Variants in WWTR1 observed in about 807,000 individuals in gnomAD.
WWTR1 encodes the protein WW domain-containing transcription regulator protein 1.
In WWTR1, 13 loss-of-function variants were observed where a neutral mutation model predicts 40.1. The ratio of observed to expected loss-of-function variants is 0.32; its 90% CI spans 0.21 to 0.52. WWTR1 has a LOEUF of 0.52. Ranked by LOEUF, WWTR1 falls within the 20% of genes least tolerant of loss-of-function variation. The pLI is 0.97. For missense variants in WWTR1, 436 were observed against 523.1 expected (o/e 0.83, Z 1.63); for synonymous variants, 230 against 210.1 (o/e 1.09, Z -0.82).
chr3:149,572,363 G>A (rs1737677951), intron 3 of WWTR1, among the ~76,000 whole-genome samples: 1 of 152,178 alleles, frequency 6.6e-6, no homozygotes, highest in South Asian at 2.1e-4. Context: ...GCAGTCGCCA[G>A]GAGCCAAAGT....
chr3:149,647,512 C>T (rs959136712), intron 2 of WWTR1, among the ~76,000 whole-genome samples: 1 of 152,060 alleles, frequency 6.6e-6, no homozygotes, highest in Non-Finnish European at 1.5e-5. Flanking sequence ...GTACCGAAAA[C>T]CACAAGAGAG....
Position 149,610,584 on chromosome 3 carries a change from G to A in WWTR1, c.432-37584C>T, listed in dbSNP as rs528878412. On this transcript the variant is annotated intron_variant, in intron 2 of 6. Coordinates refer to ENST00000360632, the MANE Select transcript of WWTR1 (RefSeq NM_015472.6). ...GAGTTGTAAATAGTAGTTGCTCAAA[G>A]AAGTGGAAGGGTGGCTGAGGAAGAC... is the stretch of plus-strand genomic sequence containing the variant. 5.9e-5 allele frequency among the ~76,000 whole-genome samples: 9 copies of A among 152,330 alleles called. No individual in the cohort carries two copies. In the East Asian group the frequency reaches 1.5e-3, roughly 26 times the overall value.
intron 2 of WWTR1, among the ~76,000 whole-genome samples, chr3:149,573,375 G>A (rs62269320): frequency 6.6e-6 from 1 of 152,002 alleles, no homozygotes; most frequent in Non-Finnish European, 1.5e-5. Flanking sequence ...TGGAAGGGGA[G>A]CCATGCTCAC....
chr3:149,622,498 GAAGGAAGA>G (rs1467332968), intron 2 of WWTR1, among the ~76,000 whole-genome samples: 26 of 51,018 alleles, frequency 5.1e-4, no homozygotes, highest in African/African-American at 1.4e-3. Context: ...AGGAAGGAAG[GAAGGAAGA>G]AAGAAAGAAA....
chr3:149,594,684 CTGAT>C (rs1738893026), intron 2 of WWTR1, among the ~76,000 whole-genome samples: 2 of 151,894 alleles, frequency 1.3e-5, no homozygotes, highest in Admixed American at 6.6e-5. Context: ...ATATGTGAAT[CTGAT>C]TGGATCCTGC....
intron 6 of WWTR1, among the ~76,000 whole-genome samples, chr3:149,522,428 AGT>A (rs1465603869): frequency 6.6e-6 from 1 of 152,254 alleles, no homozygotes; most frequent in Non-Finnish European, 1.5e-5. Flanking sequence ...AACATTTTAC[AGT>A]ATTTTCATTG....
chr3:149,666,928 T>C (rs919857545), intron 2 of WWTR1, among the ~76,000 whole-genome samples: 1 of 152,220 alleles, frequency 6.6e-6, no homozygotes, highest in African/African-American at 2.4e-5. Flanking sequence ...TTTCCTCCAC[T>C]GACTTACAGT....
chr3:149,642,583 GGCT>G (rs966367347), intron 2 of WWTR1, among the ~76,000 whole-genome samples: 1 of 151,606 alleles, frequency 6.6e-6, no homozygotes, highest in Non-Finnish European at 1.5e-5. Flanking sequence ...AGACCATCCT[GGCT>G]AACATGGTGA....
At chr3:149,719,603 T>C (rs773683324) in intron 4 of WWTR1, among the ~76,000 whole-genome samples, 2 of 152,278 alleles carry the variant, frequency 1.3e-5, no homozygotes, top group African/African-American at 2.4e-5. Context: ...CATACAAATA[T>C]CTTTGATACT....
intron 2 of WWTR1, among the ~76,000 whole-genome samples, chr3:149,605,130 G>C (rs1182057599): frequency 2.0e-5 from 3 of 152,216 alleles, no homozygotes; most frequent in African/African-American, 7.2e-5. Flanking sequence ...AATATGGTTG[G>C]AGAGTGGAGA....
intron 4 of WWTR1, among the ~76,000 whole-genome samples, chr3:149,536,062 A>C (rs1735817328): frequency 6.6e-6 from 1 of 152,138 alleles, no homozygotes; most frequent in Non-Finnish European, 1.5e-5. Flanking sequence ...ACTATTGTTC[A>C]ACAACAAGGG....
intron 2 of WWTR1, among the ~76,000 whole-genome samples, chr3:149,640,462 C>A (rs118089524): frequency 0.015 from 2,325 of 152,230 alleles, 39 homozygotes; most frequent in East Asian, 0.088. Flanking sequence ...GCTCTGCCCC[C>A]AAAGCTGAAA....
At chr3:149,688,552 GA>G (rs1332624520) in intron 1 of WWTR1, among the ~76,000 whole-genome samples, 13 of 152,232 alleles carry the variant, frequency 8.5e-5, no homozygotes, top group Non-Finnish European at 1.8e-4. Flanking sequence ...AAGTCTGCAA[GA>G]GTCATGGCAT....
rs535218261 is a variant in WWTR1, at chr3:149,665,995, A to G, written c.-4+3793T>C. On this transcript the variant is annotated intron_variant, in intron 2 of 7. Coordinates refer to the WWTR1 transcript ENST00000465804. ...AACAAATACGGTACATATTTTTTTA[A>G]TATCCATTGTGTTCAAGGGCAGAAG... 2.0e-5 allele frequency among the ~76,000 whole-genome samples: 3 copies of G among 152,280 alleles called. No individual in the cohort carries two copies. The South Asian group carries it at 6.2e-4, about 32-fold the overall frequency.
At chr3:149,704,406 C>T (rs1207543180), upstream of WWTR1, among the ~76,000 whole-genome samples, 1 of 152,162 alleles carries the variant, frequency 6.6e-6, no homozygotes, top group African/African-American at 2.4e-5. Context: ...AAGCCTCCCT[C>T]CCAAATGCAG....
At chr3:149,560,854 T>A (rs919078234) in intron 3 of WWTR1, among the ~76,000 whole-genome samples, 1 of 151,888 alleles carries the variant, frequency 6.6e-6, no homozygotes, top group South Asian at 2.1e-4. Context: ...CAAAAACATA[T>A]GGATATACAA....
At chr3:149,566,952 G>A (rs1002273761) in intron 3 of WWTR1, among the ~76,000 whole-genome samples, 8 of 152,100 alleles carry the variant, frequency 5.3e-5, no homozygotes, top group African/African-American at 1.9e-4. Context: ...GTGTGTATAT[G>A]TAACTTTAAA....
intron 2 of WWTR1, among the ~76,000 whole-genome samples, chr3:149,621,618 G>T (rs1200064999): frequency 1.3e-5 from 2 of 152,092 alleles, no homozygotes; most frequent in African/African-American, 4.8e-5. Context: ...AATACAGGAA[G>T]AGCAAAAATC....
At chr3:149,624,485 C>T (rs867457365) in intron 2 of WWTR1, among the ~76,000 whole-genome samples, 9 of 152,312 alleles carry the variant, frequency 5.9e-5, no homozygotes, top group Middle Eastern at 6.8e-3. Context: ...AAGCCAGAGA[C>T]AGGAATCTAT....
Sources: allele counts gnomAD v4.1 joint callset (sites outside exome capture counted in the v4.1 genomes callset), GRCh38; gene constraint gnomAD v4.1.1; transcripts MANE v1.5; gene names NCBI Gene and HGNC (gene_info 2026-07-23, HGNC 2026-07-21).